CLOCK: variants seen among roughly 807,000 people sequenced by gnomAD.
CLOCK encodes circadian locomoter output cycles protein kaput.
CLOCK carries 43 observed loss-of-function variants against 118.4 expected under a neutral mutation model. The observed-to-expected ratio is 0.36, with a 90% CI of 0.28 to 0.47. CLOCK has a LOEUF of 0.47. Ranked by LOEUF, CLOCK falls within the 20% of genes least tolerant of loss-of-function variation. CLOCK has a pLI of 1.00. For synonymous variants in CLOCK, 326 were observed against 339.2 expected, an observed-to-expected ratio of 0.96 and a Z score of 0.43; for missense variants, 846 against 999.9, an observed-to-expected ratio of 0.85 and a Z score of 2.08.
Position 55,467,938 on chromosome 4 carries a change from A to G in CLOCK, c.438+2779T>C, listed in dbSNP as rs1169034576. Among the ~76,000 whole-genome samples, 7 of 152,340 alleles carry G rather than the reference A, an allele frequency of 4.6e-5. No individual in the cohort carries two copies. The East Asian group carries it at 1.3e-3, about 29-fold the overall frequency. On this transcript the variant is annotated intron_variant, in intron 8 of 22. Coordinates refer to ENST00000513440, the MANE Select transcript of CLOCK (RefSeq NM_004898.4). ...AAGAAATTAGCAAATTATGTACTGC[A>G]TGGCTTTCAACTTTAAAAAATGCCC...
chr4:55,429,372 A>C lies in CLOCK; in HGVS notation c.*6043T>G, dbSNP rs1051271760. On this transcript the variant is annotated 3_prime_UTR_variant, in exon 23 of 23. Transcript: ENST00000513440. ...ACTCCATAGCTTCTCTGAGTCCTAA[A>C]GTGGAGGATTCTGTTCCAATGCTTG... The C allele has an allele frequency of 1.3e-5, 2 of 152,318 alleles. No homozygotes were observed. Among genetic ancestry groups the C allele is most frequent in the African/African-American group, 4.8e-5 (2 of 41,580 alleles). 9.4% of individuals were successfully genotyped at this position (152,318 alleles called of 1,614,324 possible).
At chr4:55,504,095 T>A (rs985738269) in intron 2 of CLOCK, among the ~76,000 whole-genome samples, 1 of 147,116 alleles carries the variant, frequency 6.8e-6, no homozygotes, top group East Asian at 2.1e-4. Context: ...CCATCCTGGC[T>A]AACACAGTGA....
At chr4:55,502,435 C>T (rs1406365036) in intron 2 of CLOCK, among the ~76,000 whole-genome samples, 1 of 152,140 alleles carries the variant, frequency 6.6e-6, no homozygotes, top group Non-Finnish European at 1.5e-5. Flanking sequence ...AACAAAAGTA[C>T]TACTGCATTA....
intron 9 of CLOCK, among the ~76,000 whole-genome samples, chr4:55,460,887 C>T (rs1725287408): frequency 6.6e-6 from 1 of 151,730 alleles, no homozygotes; most frequent in Non-Finnish European, 1.5e-5. Flanking sequence ...ACATCAAGTC[C>T]TATTGAGTTT....
At chr4:55,448,661 C>A in intron 18 of CLOCK, 118 bp downstream of exon 18, 20 of 574,286 alleles carry the variant, frequency 3.5e-5, no homozygotes, top group Non-Finnish European at 5.8e-5. Context: ...CCTCAGCCTC[C>A]CAAGTAGCTG....
Position 55,435,436 on chromosome 4 carries a change from A to C in CLOCK, c.2520T>G (p.Pro840=). 6.2e-7 allele frequency: 1 copy of C among 1,613,946 alleles called. No homozygotes were observed. ...SRHRTDSLPD[P]SKVQPQ ...TGTGCTACTGTGGTTGAACCTTGGA[A>C]GGGTCGGGCAAGCTGTCAGTCCTGT... is the stretch of plus-strand genomic sequence containing the variant. The change falls in exon 23 of 23, where the codon CCT becomes CCG. Residue 840 remains proline, a synonymous_variant. Coordinates refer to ENST00000513440, the MANE Select transcript of CLOCK (RefSeq NM_004898.4).
At chr4:55,472,087 T>A (rs573123371) in intron 7 of CLOCK, among the ~76,000 whole-genome samples, 1 of 151,418 alleles carries the variant, frequency 6.6e-6, no homozygotes, top group South Asian at 2.1e-4. Context: ...GTAATAAAAA[T>A]TGAAATTACA....
At chr4:55,491,234 TA>T (rs34441416) in intron 2 of CLOCK, among the ~76,000 whole-genome samples, 13,754 of 43,948 alleles carry the variant, frequency 0.31, 942 homozygotes, top group South Asian at 0.41. Flanking sequence ...GCAGGTGTGC[TA>T]AAAAAAAAAA....
At chr4:55,504,205 GA>G (rs1355708829) in intron 2 of CLOCK, among the ~76,000 whole-genome samples, 2 of 141,472 alleles carry the variant, frequency 1.4e-5, no homozygotes, top group Non-Finnish European at 3.0e-5. Flanking sequence ...AGAATCACGT[GA>G]ACCCGAGAGG....
intron 1 of CLOCK, among the ~76,000 whole-genome samples, chr4:55,516,936 T>C (rs908875650): frequency 6.6e-6 from 1 of 152,202 alleles, no homozygotes; most frequent in Non-Finnish European, 1.5e-5. Context: ...TAAACCACTT[T>C]ATGGGTAGTA....
chr4:55,480,170 TTGACAAATATGTATTA>T (rs1726819711), intron 4 of CLOCK, among the ~76,000 whole-genome samples: 1 of 152,244 alleles, frequency 6.6e-6, no homozygotes, highest in Non-Finnish European at 1.5e-5. Flanking sequence ...ACTAATTCAT[TTGACAAATATGTATTA>T]GCACTCATGT....
intron 7 of CLOCK, among the ~76,000 whole-genome samples, chr4:55,472,009 T>C (rs1346506743): frequency 6.6e-6 from 1 of 152,124 alleles, no homozygotes; most frequent in Non-Finnish European, 1.5e-5. Context: ...AAGTTGAGGC[T>C]GCAATGAGCC....
In CLOCK at chr4:55,510,068, G is replaced by A. The variant is rs1729041238; in HGVS notation, c.-289-3C>T. ...CTTTGCAGGAACAAGTAAAAATTCT[G>A]CAAAGAAACAGTACTTACTGAAATA... On this transcript the variant is annotated splice_region_variant and splice_polypyrimidine_tract_variant and intron_variant, in intron 1 of 22. Transcript: ENST00000513440. The A allele has an allele frequency of 1.3e-5, 2 of 152,268 alleles. No individual in the cohort carries two copies. Among genetic ancestry groups the A allele is most frequent in the East Asian group, 1.9e-4 (1 of 5,182 alleles). 9.4% of individuals were successfully genotyped at this position (152,268 alleles called of 1,614,324 possible). A position where few individuals can be genotyped will look rare whatever the true frequency, so the allele number is the denominator to read the frequency against.
rs1413113025 is a variant in CLOCK, at chr4:55,443,691, G to A, written c.1898C>T (p.Thr633Ile). ...CGCTGTGCTCAGTAACATTACCTGA[G>A]TTGATGTACTCTGTAAAGTCTGTTG... ...IQQQTLQSTS[T>I]QSQQNVLSGH... The change falls in exon 20 of 23, where the codon ACT becomes ATT. Residue 633 changes from threonine to isoleucine, a missense_variant. Physicochemically the swap from Thr to Ile is moderately conservative, Grantham distance 89 (BLOSUM62 -1). This residue lies in a region of CLOCK where 520 missense variants were observed against 558.0 expected (regional missense o/e 0.93). Transcript: ENST00000513440. 1.2e-6 allele frequency: 2 copies of A among 1,613,276 alleles called. No homozygotes were observed. Among genetic ancestry groups the A allele is most frequent in the Non-Finnish European group, 1.7e-6 (2 of 1,179,382 alleles).
chr4:55,507,745 T>C (rs1435375052), intron 2 of CLOCK, among the ~76,000 whole-genome samples: 2 of 152,240 alleles, frequency 1.3e-5, no homozygotes, highest in Non-Finnish European at 2.9e-5. Context: ...ATGATTTTGA[T>C]CATGCATAGA....
At chr4:55,454,525 G>A (rs538853356) in intron 13 of CLOCK, among the ~76,000 whole-genome samples, 12 of 136,728 alleles carry the variant, frequency 8.8e-5, no homozygotes, top group Non-Finnish European at 1.2e-4. Context: ...TGAGGCAAGA[G>A]AATCACTTGA....
intron 13 of CLOCK, 75 bp downstream of exon 13, chr4:55,455,822 A>G (rs944336997): frequency 1.0e-6 from 1 of 1,001,488 alleles, no homozygotes; most frequent in Non-Finnish European, 1.6e-6. Flanking sequence ...TCTGTGTCTT[A>G]CTACCTATCA....
At chr4:55,456,332 T>G in intron 11 of CLOCK, 32 bp from the exon 12 acceptor site, 2 of 1,342,216 alleles carry the variant, frequency 1.5e-6, no homozygotes, top group Non-Finnish European at 2.1e-6. Context: ...TTATAAATAC[T>G]TTGTGTCCTT....
intron 6 of CLOCK, 113 bp downstream of exon 6, chr4:55,478,702 A>G (rs746714354): frequency 7.7e-6 from 8 of 1,044,852 alleles, no homozygotes; most frequent in Non-Finnish European, 7.3e-6. Context: ...TTAAAATGCA[A>G]TTGATTTCTC....
Sources: gnomAD v4.1 joint callset for allele counts (sites outside exome capture counted in the v4.1 genomes callset) on GRCh38, gnomAD v4.1.1 for gene constraint, gnomAD v4.1.1 regional missense constraint, MANE v1.5 for transcripts, NCBI Gene and HGNC (gene_info 2026-07-23, HGNC 2026-07-21) for gene names.